The following CASZ1 variants were observed in gnomAD, a reference collection of about 807,000 sequenced individuals.
CASZ1 encodes castor zinc finger 1.
Under a neutral mutation model 135.2 loss-of-function variants are expected in CASZ1, and 28 were observed. The ratio of observed to expected loss-of-function variants is 0.21; its 90% CI spans 0.15 to 0.28. The LOEUF (loss-of-function observed/expected upper bound fraction) is 0.28. CASZ1 is among the 10% of genes least tolerant of loss of function. The pLI is 1.00. For synonymous variants in CASZ1, 1,068 were observed against 1,073.4 expected (o/e 0.99, Z 0.10); for missense variants, 2,161 against 2,453.3 (o/e 0.88, Z 2.52).
chr1:10,786,265 T>A (rs2100623374), intron 1 of CASZ1, among the ~76,000 whole-genome samples: 1 of 152,078 alleles, frequency 6.6e-6, no homozygotes, highest in African/African-American at 2.4e-5. Flanking sequence ...CTGGCCAGTG[T>A]GGGAAAGAAA....
In CASZ1 at chr1:10,649,595, G is replaced by A. The variant is rs938342815; in HGVS notation, c.2881-158C>T. The A allele has an allele frequency of 5.1e-5, 42 of 822,048 alleles. No homozygotes were observed. The African/African-American group carries it at 6.4e-4, about 13-fold the overall frequency. 50.9% of individuals were successfully genotyped at this position (822,048 alleles called of 1,614,324 possible). On this transcript the variant is annotated intron_variant, in intron 13 of 20. Coordinates refer to ENST00000377022, the MANE Select transcript of CASZ1 (RefSeq NM_001079843.3). ...GCCTACTTGGCTCTGGCTGTGGCTGGGCCCTCTCTGAACAGAGAGCCTGCT... is the reference window on the plus strand; with the variant it reads ...GCCTACTTGGCTCTGGCTGTGGCTGAGCCCTCTCTGAACAGAGAGCCTGCT...
At chr1:10,686,600 G>A (rs116198863) in intron 4 of CASZ1, among the ~76,000 whole-genome samples, 61 of 152,298 alleles carry the variant, frequency 4.0e-4, no homozygotes, top group African/African-American at 1.3e-3. Context: ...AGCTCACTGC[G>A]CCCCTCCCCG....
intron 4 of CASZ1, among the ~76,000 whole-genome samples, chr1:10,684,013 T>C (rs1323946608): frequency 1.3e-5 from 2 of 152,214 alleles, no homozygotes; most frequent in East Asian, 3.8e-4. Context: ...CCAAGTCCTC[T>C]GACATTTAGC....
At chr1:10,683,106 C>A (rs1426426882) in intron 4 of CASZ1, among the ~76,000 whole-genome samples, 1 of 152,236 alleles carries the variant, frequency 6.6e-6, no homozygotes, top group Non-Finnish European at 1.5e-5. Context: ...AGCCACCATC[C>A]TTCCAGTTAC....
In CASZ1 at chr1:10,723,978, T is replaced by C. The variant is rs143348158; in HGVS notation, c.-76-18434A>G. Among the ~76,000 whole-genome samples the C allele has an allele frequency of 1.3e-3, 204 of 152,230 alleles. 2 individuals are homozygous for C. In the East Asian group the frequency reaches 0.02, roughly 15 times the overall value. ...AACCATGCCAGCAGGGGTTCAACCC[T>C]AAACTCACACCCAACCGCTAGCACC... is the stretch of plus-strand genomic sequence containing the variant. On this transcript the variant is annotated intron_variant, in intron 2 of 20. Transcript: ENST00000377022.
At position 10,653,906 on chromosome 1, in the gene CASZ1, G is replaced by A. The variant is rs753566264; in HGVS notation, c.2151C>T (p.His717=). ...PSLLGAKDTE[H]EESSNDDLVD... ...CAAGGTCGTCGTTGCTGGACTCCTC[G>A]TGCTCCGTGTCCTTGGCGCCCAGCA... The change falls in exon 11 of 21, where the codon CAC becomes CAT. Residue 717 remains histidine (H), a synonymous_variant. Coordinates refer to ENST00000377022, the MANE Select transcript of CASZ1 (RefSeq NM_001079843.3). 44 of 1,613,460 alleles carry A rather than the reference G, an allele frequency of 2.7e-5. No individual in the cohort carries two copies. The highest frequency in any genetic ancestry group is 8.0e-5 in the African/African-American group (6 of 74,926).
intron 20 of CASZ1, among the ~76,000 whole-genome samples, chr1:10,642,603 C>T (rs1330291298): frequency 1.3e-5 from 2 of 152,114 alleles, no homozygotes; most frequent in Non-Finnish European, 2.9e-5. Flanking sequence ...GGCTGCGCTG[C>T]TCCCGCTGTG....
intron 20 of CASZ1, among the ~76,000 whole-genome samples, chr1:10,642,493 A>T (rs1642237167): frequency 6.6e-5 from 10 of 151,850 alleles, no homozygotes; most frequent in Admixed American, 5.2e-4. Context: ...GCAGGAGGAG[A>T]GAGAGGCGGG....
At chr1:10,780,353 G>A (rs140775428) in intron 1 of CASZ1, among the ~76,000 whole-genome samples, 325 of 152,228 alleles carry the variant, frequency 2.1e-3, no homozygotes, top group Non-Finnish European at 3.9e-3. Context: ...CTGGGGTCTC[G>A]CCTGCCTCTC....
intron 3 of CASZ1, among the ~76,000 whole-genome samples, chr1:10,695,457 C>A (rs1638908567): frequency 6.6e-6 from 1 of 151,918 alleles, no homozygotes; most frequent in African/African-American, 2.4e-5. Context: ...TCCCGGCCAT[C>A]ACTTGCGCTT....
chr1:10,639,969 G>C lies in CASZ1; in HGVS notation c.4253C>G (p.Thr1418Arg). The C allele has an allele frequency of 6.2e-7, 1 of 1,612,812 alleles. No homozygotes were observed. Among genetic ancestry groups the C allele is most frequent in the South Asian group, 1.1e-5 (1 of 91,092 alleles). The change falls in exon 21 of 21, where the codon ACG (threonine) becomes AGG (arginine). Residue 1418 changes from threonine (T) to arginine (R), a missense_variant. Around this residue, in one of 7 missense-constraint regions of CASZ1, gnomAD observed 143 missense variants for 128.3 expected, o/e 1.11. Coordinates refer to ENST00000377022, the MANE Select transcript of CASZ1 (RefSeq NM_001079843.3). This position sits in a 1 kb window ranked among gnomAD's most constrained non-coding sequence, Gnocchi z 4.0. ...DMSPFGKRRK[T>R]ASSRKMLDEG... ...GTCCAGCATCTTCCGGGAGGACGCC[G>C]TCTTCCGCCGCTTGCCGAAGGGCGA...
intron 5 of CASZ1, chr1:10,660,755 G>A: frequency 5.4e-6 from 3 of 556,788 alleles, no homozygotes; most frequent in Non-Finnish European, 9.5e-6. Flanking sequence ...AATAAAACGA[G>A]TTCATCAATG....
chr1:10,794,990 C>G lies in CASZ1; in HGVS notation c.-234+1574G>C, dbSNP rs1375862781. Among the ~76,000 whole-genome samples, 7 of 151,888 alleles carry G rather than the reference C, an allele frequency of 4.6e-5. No individual in the cohort carries two copies. The highest frequency in any genetic ancestry group is 1.9e-4 in the East Asian group (1 of 5,182). On this transcript the variant is annotated intron_variant, in intron 1 of 20. Transcript: ENST00000377022. The surrounding 1 kb of genome is among the most constrained non-coding windows in gnomAD (Gnocchi z 5.6). ...CCCTCCCCTTCCAGACCCGGCTGCC[C>G]GGCCCGCCAGCTCCCGGCAGTGCTG...
At chr1:10,744,120 C>A (rs1639991296) in intron 2 of CASZ1, among the ~76,000 whole-genome samples, 1 of 152,076 alleles carries the variant, frequency 6.6e-6, no homozygotes, top group East Asian at 1.9e-4. Flanking sequence ...CCCACCCCGA[C>A]CCTGCCCCCT....
Position 10,720,771 on chromosome 1 carries a change from G to C in CASZ1, c.-76-15227C>G, listed in dbSNP as rs1252384164. ...GTAGGGAAGCCCAAGGTCAGAGAGT[G>C]GGGAGGAAGTGGACGCCGGTGGGTG... On this transcript the variant is annotated intron_variant, in intron 2 of 20. Coordinates refer to ENST00000377022, the MANE Select transcript of CASZ1 (RefSeq NM_001079843.3). This position sits in a 1 kb window ranked among gnomAD's most constrained non-coding sequence, Gnocchi z 5.7. Among the ~76,000 whole-genome samples the C allele has an allele frequency of 6.6e-6, 1 of 152,204 alleles. No homozygotes were observed. Among genetic ancestry groups the C allele is most frequent in the African/African-American group, 2.4e-5 (1 of 41,458 alleles).
intron 2 of CASZ1, among the ~76,000 whole-genome samples, chr1:10,731,435 A>G (rs955698153): frequency 6.6e-6 from 1 of 152,004 alleles, no homozygotes; most frequent in Non-Finnish European, 1.5e-5. Context: ...ATAAAAAAAA[A>G]GTAGCCAGGC....
chr1:10,644,013 T>C (rs284246), intron 18 of CASZ1, among the ~76,000 whole-genome samples: 4,738 of 152,366 alleles, frequency 0.031, 246 homozygotes, highest in African/African-American at 0.1. Context: ...GAACTCCTTT[T>C]TGAATTCATA....
At chr1:10,664,683 G>A (rs1023242126) in intron 5 of CASZ1, among the ~76,000 whole-genome samples, 4 of 151,956 alleles carry the variant, frequency 2.6e-5, no homozygotes, top group African/African-American at 9.7e-5. Context: ...GTTGACCGCT[G>A]CGCCCCTCTT....
In CASZ1 at chr1:10,646,396, C is replaced by T. The variant is rs754754140; in HGVS notation, c.3498-70G>A. The T allele has an allele frequency of 1.8e-5, 27 of 1,499,448 alleles. No homozygotes were observed. Among genetic ancestry groups the T allele is most frequent in the Admixed American group, 1.1e-4 (6 of 55,024 alleles). The allele number at this position is 1,499,448 out of a possible 1,614,324, so 92.9% of individuals were successfully genotyped here. A position where few individuals can be genotyped will look rare whatever the true frequency, so the allele number is the denominator to read the frequency against. The stretch of plus-strand genomic sequence containing the variant: ...CCTCCCTGCTGGTGTCCTGACTTCA[C>T]TTGTGTTGGAGTTCACTCCCCCACG... On this transcript the variant is annotated intron_variant, in intron 16 of 20. Coordinates refer to ENST00000377022, the MANE Select transcript of CASZ1 (RefSeq NM_001079843.3). This position sits in a 1 kb window ranked among gnomAD's most constrained non-coding sequence, Gnocchi z 6.4.
Sources: gnomAD v4.1 joint callset for allele counts (sites outside exome capture counted in the v4.1 genomes callset) on GRCh38, gnomAD v4.1.1 for gene constraint, gnomAD v4.1.1 regional missense constraint, Gnocchi (gnomAD v3.1) non-coding constraint, MANE v1.5 for transcripts, NCBI Gene and HGNC (gene_info 2026-07-23, HGNC 2026-07-21) for gene names.